Variants in BANP observed in about 807,000 individuals in gnomAD.
BANP encodes protein BANP.
BANP carries 11 observed loss-of-function variants against 68.1 expected under a neutral mutation model. The ratio of observed to expected loss-of-function variants is 0.16; its 90% confidence interval spans 0.10 to 0.27. The LOEUF (loss-of-function observed/expected upper bound fraction) is 0.27, where lower values mean the gene tolerates loss of function less well. Among genes scored for constraint, BANP ranks in the 10% least tolerant of loss-of-function variants. The pLI, the probability that BANP is intolerant of heterozygous loss-of-function variation, is 1.00. For synonymous variants in BANP, 329 were observed against 303.2 expected (o/e 1.09, Z -0.88); for missense variants, 504 against 722.7 (o/e 0.70, Z 3.47).
chr16:88,046,161 C>G (rs891403288), intron 11 of BANP, among the ~76,000 whole-genome samples: 1 of 152,258 alleles, frequency 6.6e-6, no homozygotes, highest in African/African-American at 2.4e-5. Flanking sequence ...AGTGACGTCA[C>G]TGGACTGCGG....
chr16:88,023,989 G>T (rs184186418), intron 7 of BANP, among the ~76,000 whole-genome samples: 1 of 152,216 alleles, frequency 6.6e-6, no homozygotes, highest in African/African-American at 2.4e-5. Context: ...GTGACGCCAC[G>T]CTGTGGGGAT....
At chr16:87,956,231 A>G (rs371468574) in intron 1 of BANP, among the ~76,000 whole-genome samples, 223 of 152,378 alleles carry the variant, frequency 1.5e-3, no homozygotes, top group African/African-American at 5.1e-3. Context: ...TCACAGCACC[A>G]GTTTAGCCAC....
chr16:88,037,604 T>A (rs2079677727), intron 10 of BANP: 1 of 286,528 alleles, frequency 3.5e-6, no homozygotes, highest in Admixed American at 5.0e-5. Flanking sequence ...CAGCAAGGCG[T>A]CCCCCTTCGG....
rs2077630790 is a variant in BANP, at chr16:88,029,343, C to T, written c.1063+1693C>T. Among the ~76,000 whole-genome samples the T allele has an allele frequency of 1.0e-4, 15 of 147,728 alleles. No individual in the cohort carries two copies. In the South Asian group the frequency reaches 3.2e-3, roughly 32 times the overall value. Reference sequence around the variant, plus strand: ...AAAAAAAAAAAGCCGGGTGCTGTGGCTCACGCATGTAATCCCAGCACTTTG... The same window carrying T: ...AAAAAAAAAAAGCCGGGTGCTGTGGTTCACGCATGTAATCCCAGCACTTTG... On this transcript the variant is annotated intron_variant, in intron 8 of 13. Transcript: ENST00000682872.
chr16:87,969,056 T>G (rs2060641006), intron 1 of BANP, among the ~76,000 whole-genome samples: 1 of 152,184 alleles, frequency 6.6e-6, no homozygotes, highest in Non-Finnish European at 1.5e-5. Flanking sequence ...GCATGTCGTC[T>G]GCACTGCCCT....
At chr16:88,042,628 TA>T (rs891172051) in intron 11 of BANP, among the ~76,000 whole-genome samples, 1 of 152,208 alleles carries the variant, frequency 6.6e-6, no homozygotes, top group African/African-American at 2.4e-5. Flanking sequence ...GCTGAATATT[TA>T]AAAAAAATGT....
intron 11 of BANP, among the ~76,000 whole-genome samples, chr16:88,043,133 C>T (rs375337782): frequency 3.2e-4 from 49 of 152,294 alleles, no homozygotes; most frequent in African/African-American, 1.1e-3. Flanking sequence ...CTGCCCTCCT[C>T]GCCTCTTGCC....
intron 4 of BANP, among the ~76,000 whole-genome samples, chr16:87,985,069 G>A (rs1486600822): frequency 6.6e-6 from 1 of 152,222 alleles, no homozygotes; most frequent in African/African-American, 2.4e-5. Context: ...GCCGAGGAAT[G>A]GGAGCCGCAA....
chr16:88,001,759 G>A (rs960917445), intron 4 of BANP, among the ~76,000 whole-genome samples: 1 of 151,982 alleles, frequency 6.6e-6, no homozygotes, highest in Non-Finnish European at 1.5e-5. Context: ...CGAATGTTAT[G>A]TCACTTTTCT....
intron 11 of BANP, among the ~76,000 whole-genome samples, chr16:88,041,775 T>G (rs1330873204): frequency 6.6e-6 from 1 of 152,234 alleles, no homozygotes; most frequent in Non-Finnish European, 1.5e-5. Context: ...GTTCGTTGAC[T>G]CTGGGAGGGC....
chr16:87,989,507 G>C (rs1259900577), intron 4 of BANP, among the ~76,000 whole-genome samples: 1 of 152,266 alleles, frequency 6.6e-6, no homozygotes, highest in African/African-American at 2.4e-5. Context: ...GTGTAAACAG[G>C]ATGCAGCAGA....
chr16:88,064,999 C>T lies in BANP; in HGVS notation c.1312-268C>T, dbSNP rs2088104741. 6.6e-6 allele frequency among the ~76,000 whole-genome samples: 1 copy of T among 152,252 alleles called. No individual in the cohort carries two copies. The highest frequency in any genetic ancestry group is 1.5e-5 in the Non-Finnish European group (1 of 68,042). On this transcript the variant is annotated intron_variant, in intron 11 of 13. Coordinates refer to ENST00000682872, the MANE Select transcript of BANP (RefSeq NM_001386991.1). The surrounding 1 kb of genome is among the most constrained non-coding windows in gnomAD (Gnocchi z 4.5). ...TTTCTAATGGAAAAAAGCGGTTGCT[C>T]TCCCTGCAGCTGCCAGCCCGCCCTG...
At chr16:87,971,725 A>G (rs1276297090) in intron 1 of BANP, among the ~76,000 whole-genome samples, 2 of 151,614 alleles carry the variant, frequency 1.3e-5, no homozygotes, top group African/African-American at 4.9e-5. Context: ...GAGTAGTTTC[A>G]AGCACCCTCC....
chr16:88,032,327 G>T (rs1311303254), intron 8 of BANP, among the ~76,000 whole-genome samples: 3 of 151,404 alleles, frequency 2.0e-5, no homozygotes, highest in Non-Finnish European at 4.4e-5. Context: ...TCAGCCTCCT[G>T]AGTGCCTGGG....
At chr16:88,031,930 A>G (rs1422014552) in intron 8 of BANP, among the ~76,000 whole-genome samples, 1 of 150,402 alleles carries the variant, frequency 6.6e-6, no homozygotes, top group Non-Finnish European at 1.5e-5. Flanking sequence ...TCAGCCTCCC[A>G]AGTAGTTGGG....
At position 88,058,000 on chromosome 16, in the gene BANP, G is replaced by A. The variant is rs984172634; in HGVS notation, c.1312-7267G>A. Among the ~76,000 whole-genome samples, 13 of 152,300 alleles carry A rather than the reference G, an allele frequency of 8.5e-5. No homozygotes were observed. The highest frequency in any genetic ancestry group is 4.1e-4 in the South Asian group (2 of 4,826). On this transcript the variant is annotated intron_variant, in intron 11 of 13. Coordinates refer to ENST00000682872, the MANE Select transcript of BANP (RefSeq NM_001386991.1). This position sits in a 1 kb window ranked among gnomAD's most constrained non-coding sequence, Gnocchi z 4.6. ...CTGCCCCCTTAAACTATGAAACGGC[G>A]GAGTTACACGGGAAGAAAGGGTTCA...
intron 4 of BANP, among the ~76,000 whole-genome samples, chr16:87,994,802 C>T (rs1391473009): frequency 1.3e-5 from 2 of 152,178 alleles, no homozygotes; most frequent in Non-Finnish European, 2.9e-5. Context: ...CCCCTCAAAC[C>T]TGCAAACAGT....
chr16:88,031,240 C>T (rs529890766), intron 8 of BANP, among the ~76,000 whole-genome samples: 2 of 152,368 alleles, frequency 1.3e-5, no homozygotes, highest in East Asian at 1.9e-4. Context: ...GAGCCGAGCT[C>T]TCCACATGCA....
Position 88,064,884 on chromosome 16 carries a change from C to G in BANP, c.1312-383C>G, listed in dbSNP as rs1395585756. 6.6e-6 allele frequency among the ~76,000 whole-genome samples: 1 copy of G among 152,218 alleles called. No individual in the cohort carries two copies. Among genetic ancestry groups the G allele is most frequent in the African/African-American group, 2.4e-5 (1 of 41,470 alleles). On this transcript the variant is annotated intron_variant, in intron 11 of 13. Coordinates refer to ENST00000682872, the MANE Select transcript of BANP (RefSeq NM_001386991.1). The surrounding 1 kb of genome is among the most constrained non-coding windows in gnomAD (Gnocchi z 4.5). ...TGGGAGGTGGCTAGAGCCCAGTGGC[C>G]TCCAGGGGAACACGAGTCATAGAGG...
Sources: gnomAD v4.1 joint callset for allele counts (sites outside exome capture counted in the v4.1 genomes callset) on GRCh38, gnomAD v4.1.1 for gene constraint, Gnocchi (gnomAD v3.1) non-coding constraint, MANE v1.5 for transcripts, NCBI Gene and HGNC (gene_info 2026-07-23, HGNC 2026-07-21) for gene names.